Variants in EPB41 observed in about 807,000 individuals in gnomAD.
EPB41 encodes erythrocyte membrane protein band 4.1, also known as protein 4.1.
EPB41 carries 65 observed loss-of-function variants against 108.0 expected under a neutral mutation model. The observed-to-expected ratio is 0.60, with a 90% confidence interval of 0.49 to 0.74. EPB41 has a LOEUF of 0.74. EPB41 is among the 30% of genes least tolerant of loss of function. EPB41 has a pLI of 0.00. For synonymous variants in EPB41, 336 were observed against 358.9 expected, an observed-to-expected ratio of 0.94 and a Z score of 0.72; for missense variants, 875 against 1,037.0, an observed-to-expected ratio of 0.84 and a Z score of 2.15.
intron 7 of EPB41, among the ~76,000 whole-genome samples, chr1:29,022,062 G>T (rs1390312808): frequency 2.6e-5 from 4 of 152,094 alleles, no homozygotes; most frequent in Non-Finnish European, 5.9e-5. Flanking sequence ...TTGGAATTTT[G>T]GAAAACTTTT....
chr1:28,941,610 C>T (rs964762871), intron 1 of EPB41, among the ~76,000 whole-genome samples: 1 of 152,044 alleles, frequency 6.6e-6, no homozygotes, highest in Non-Finnish European at 1.5e-5. Context: ...AAAATGCTTT[C>T]TCAGGCCGGG....
At chr1:28,967,655 G>A (rs961433464) in intron 1 of EPB41, among the ~76,000 whole-genome samples, 2 of 151,986 alleles carry the variant, frequency 1.3e-5, no homozygotes, top group Admixed American at 1.3e-4. Context: ...TCCGAGGCTG[G>A]AGTGCAGTGG....
intron 17 of EPB41, among the ~76,000 whole-genome samples, chr1:29,106,540 C>G (rs964068485): frequency 1.4e-5 from 2 of 145,162 alleles, no homozygotes; most frequent in Non-Finnish European, 1.5e-5. Flanking sequence ...TCACTGCAAC[C>G]TCTCAGCCTC....
Position 28,909,213 on chromosome 1 carries a change from CGTTAG to C in EPB41, c.-8+22007_-8+22011del, listed in dbSNP as rs544977486. On this transcript the variant is annotated intron_variant, in intron 1 of 16. Coordinates refer to the EPB41 transcript ENST00000347529. Reference sequence around the variant, plus strand: ...TAATATGGTATAAATTTTTAAAAAGCGTTAGGTTGAGACATATGAAATTGTTCACA... The same window carrying C: ...TAATATGGTATAAATTTTTAAAAAGCGTTGAGACATATGAAATTGTTCACA... Among the ~76,000 whole-genome samples the C allele has an allele frequency of 1.8e-3, 274 of 149,244 alleles. 1 individual carries two copies. Among genetic ancestry groups the C allele is most frequent in the Middle Eastern group, 0.014 (4 of 278 alleles).
At chr1:28,980,905 G>T (rs947186406) in intron 1 of EPB41, among the ~76,000 whole-genome samples, 3 of 150,948 alleles carry the variant, frequency 2.0e-5, no homozygotes, top group Admixed American at 1.3e-4. Flanking sequence ...CCCGAGTAGC[G>T]GGGATTACAG....
intron 6 of EPB41, among the ~76,000 whole-genome samples, chr1:29,017,345 TTAA>T (rs2096590541): frequency 6.6e-6 from 1 of 152,182 alleles, no homozygotes; most frequent in Non-Finnish European, 1.5e-5. Flanking sequence ...AATTGTCAAT[TTAA>T]TAATACTTTC....
intron 5 of EPB41, among the ~76,000 whole-genome samples, chr1:29,013,614 C>T (rs953006181): frequency 6.6e-6 from 1 of 152,032 alleles, no homozygotes; most frequent in Non-Finnish European, 1.5e-5. Flanking sequence ...GCAACCTCCA[C>T]CTCCTAGGTT....
chr1:28,997,464 A>G (rs924809737), intron 4 of EPB41, 145 bp downstream of exon 4: 28 of 664,982 alleles, frequency 4.2e-5, no homozygotes, highest in Non-Finnish European at 7.6e-5. Flanking sequence ...TTTTCCTGCT[A>G]TTTTTCTTCT....
chr1:28,954,872 C>T (rs564579896), intron 1 of EPB41, among the ~76,000 whole-genome samples: 29 of 152,198 alleles, frequency 1.9e-4, no homozygotes, highest in African/African-American at 6.0e-4. Flanking sequence ...AGACCCCGTT[C>T]GTGTGATACG....
At chr1:29,093,018 A>G (rs1412097760) in intron 16 of EPB41, among the ~76,000 whole-genome samples, 1 of 152,198 alleles carries the variant, frequency 6.6e-6, no homozygotes, top group African/African-American at 2.4e-5. Context: ...AAACATACAC[A>G]TGCATGTGTC....
chr1:28,934,707 T>TGTGTGTGTGTGTGTGTGTGTG (rs1553174487), intron 1 of EPB41, among the ~76,000 whole-genome samples: 2 of 151,740 alleles, frequency 1.3e-5, no homozygotes, highest in Non-Finnish European at 2.9e-5. Flanking sequence ...TGTGTGTGTA[T>TGTGTGTGTGTGTGTGTGTGTG]TTTAATACTT....
At chr1:28,949,868 C>G (rs1378277215) in intron 1 of EPB41, among the ~76,000 whole-genome samples, 1 of 152,172 alleles carries the variant, frequency 6.6e-6, no homozygotes, top group Non-Finnish European at 1.5e-5. Flanking sequence ...TCCCAAAGTG[C>G]TGGGATTACA....
chr1:28,946,426 A>C (rs1233881470), intron 1 of EPB41, among the ~76,000 whole-genome samples: 1 of 152,216 alleles, frequency 6.6e-6, no homozygotes, highest in Non-Finnish European at 1.5e-5. Flanking sequence ...TCAAAAAAAG[A>C]ATCTCCTGCT....
chr1:29,090,372 T>C (rs906202058), intron 16 of EPB41, among the ~76,000 whole-genome samples: 3 of 152,188 alleles, frequency 2.0e-5, no homozygotes, highest in Non-Finnish European at 4.4e-5. Context: ...CGGATAAATG[T>C]AAGGAAGAAG....
At chr1:29,050,662 A>G (rs570661924) in intron 11 of EPB41, among the ~76,000 whole-genome samples, 75 of 152,142 alleles carry the variant, frequency 4.9e-4, no homozygotes, top group African/African-American at 1.7e-3. Context: ...CAGATTTTTC[A>G]TGGAAAGATA....
In EPB41 at chr1:29,119,749, C is replaced by G. The variant is rs1671594202; in HGVS notation, c.*2937C>G. On this transcript the variant is annotated 3_prime_UTR_variant, in exon 21 of 21. Transcript: ENST00000343067. ...GAAATTTCTGCCCAGGATCTCAGCCCCAGGCTGGTTGTTTCTACAAATCTC... is the reference window on the plus strand; with the variant it reads ...GAAATTTCTGCCCAGGATCTCAGCCGCAGGCTGGTTGTTTCTACAAATCTC... The G allele has an allele frequency of 1.3e-5, 2 of 152,648 alleles. No homozygotes were observed. Among genetic ancestry groups the G allele is most frequent in the Non-Finnish European group, 2.9e-5 (2 of 68,052 alleles). The allele number at this position is 152,648 out of a possible 1,614,324, so 9.5% of individuals were successfully genotyped here. A position where few individuals can be genotyped will look rare whatever the true frequency, so the allele number is the denominator to read the frequency against.
At chr1:29,039,036 A>G (rs1311848317) in intron 10 of EPB41, among the ~76,000 whole-genome samples, 3 of 152,326 alleles carry the variant, frequency 2.0e-5, no homozygotes, top group Middle Eastern at 3.4e-3. Flanking sequence ...GGCCCTTTCT[A>G]TAGAGCTATA....
chr1:29,093,640 C>T (rs1057379270), intron 16 of EPB41, among the ~76,000 whole-genome samples: 1 of 152,156 alleles, frequency 6.6e-6, no homozygotes, highest in East Asian at 1.9e-4. Context: ...GGCACTGTGG[C>T]TCATGCCTGT....
intron 1 of EPB41, among the ~76,000 whole-genome samples, chr1:28,981,939 CA>C (rs2095757308): frequency 6.6e-6 from 1 of 151,202 alleles, no homozygotes; most frequent in Non-Finnish European, 1.5e-5. Flanking sequence ...TACATGTGCA[CA>C]ATGTGCAGGT....
Sources: allele counts gnomAD v4.1 joint callset (sites outside exome capture counted in the v4.1 genomes callset), GRCh38; gene constraint gnomAD v4.1.1; transcripts MANE v1.5; gene names NCBI Gene and HGNC (gene_info 2026-07-23, HGNC 2026-07-21).